CRYBG1: variants seen among roughly 807,000 people sequenced by gnomAD.
CRYBG1 encodes beta/gamma crystallin domain-containing protein 1.
In CRYBG1, 139 loss-of-function variants were observed where a neutral mutation model predicts 189.2. The observed-to-expected ratio is 0.73, with a 90% confidence interval of 0.64 to 0.85. CRYBG1 has a LOEUF of 0.85. Ranked by LOEUF, CRYBG1 falls within the 40% of genes least tolerant of loss-of-function variation. The pLI is 0.00. For missense variants in CRYBG1, 2,611 were observed against 2,675.8 expected, an observed-to-expected ratio of 0.98 and a Z score of 0.53; for synonymous variants, 1,023 against 1,017.1, an observed-to-expected ratio of 1.01 and a Z score of -0.11.
chr6:106,518,309 G>A (rs992991137), intron 3 of CRYBG1, among the ~76,000 whole-genome samples: 6 of 152,070 alleles, frequency 3.9e-5, no homozygotes, highest in Non-Finnish European at 8.8e-5. Flanking sequence ...AATCTTATGG[G>A]GGAAGGATGA....
intron 1 of CRYBG1, among the ~76,000 whole-genome samples, chr6:106,431,469 G>A (rs1282793908): frequency 2.0e-5 from 3 of 151,922 alleles, no homozygotes; most frequent in African/African-American, 7.3e-5. Flanking sequence ...TTTGGGACAA[G>A]CCTGCTCAAG....
intron 10 of CRYBG1, among the ~76,000 whole-genome samples, chr6:106,542,028 C>A (rs554289763): frequency 1.6e-4 from 25 of 152,198 alleles, no homozygotes; most frequent in Middle Eastern, 3.4e-3. Context: ...CACATCGATG[C>A]CACACACTAT....
At chr6:106,432,477 G>A (rs1361222780) in intron 1 of CRYBG1, among the ~76,000 whole-genome samples, 1 of 151,792 alleles carries the variant, frequency 6.6e-6, no homozygotes, top group Non-Finnish European at 1.5e-5. Flanking sequence ...ACAAGCTGTG[G>A]TAGGTACAAA....
intron 1 of CRYBG1, among the ~76,000 whole-genome samples, chr6:106,447,666 G>A (rs947939737): frequency 6.6e-6 from 1 of 151,710 alleles, no homozygotes; most frequent in Non-Finnish European, 1.5e-5. Flanking sequence ...GGTCTTTCCT[G>A]TTGCAAACAT....
chr6:106,555,922 T>C (rs1437158564), intron 17 of CRYBG1, 25 bp downstream of exon 17: 2 of 1,613,954 alleles, frequency 1.2e-6, no homozygotes, highest in African/African-American at 2.7e-5. Flanking sequence ...GTGAATAGTG[T>C]TGCAGAAATG....
At chr6:106,374,559 AAAAC>A (rs1256542097) in intron 1 of CRYBG1, among the ~76,000 whole-genome samples, 3 of 152,312 alleles carry the variant, frequency 2.0e-5, no homozygotes, top group South Asian at 4.1e-4. Context: ...CGTCTCGCTG[AAAAC>A]AAACAAATAT....
intron 2 of CRYBG1, among the ~76,000 whole-genome samples, chr6:106,472,909 TAAAA>T: frequency 7.3e-6 from 1 of 137,218 alleles, no homozygotes; most frequent in South Asian, 2.3e-4. Context: ...GTCTCAAAAT[TAAAA>T]AAAAAAAAAA....
chr6:106,544,867 T>C lies in CRYBG1; in HGVS notation c.5246T>C (p.Ile1749Thr). 2 of 1,613,842 alleles carry C rather than the reference T, an allele frequency of 1.2e-6. No individual in the cohort carries two copies. Among genetic ancestry groups the C allele is most frequent in the Non-Finnish European group, 1.7e-6 (2 of 1,179,814 alleles). The change falls in exon 13 of 22, where the codon ATT (isoleucine) becomes ACT (threonine). Residue 1749 changes from isoleucine to threonine, a missense_variant. Transcript: ENST00000633556. ...GGTTCCAGTATTGATGTATTGGGAA[T>C]TGTTGCTAATTTAAAGGAGACTGGA... is the stretch of plus-strand genomic sequence containing the variant. Reference protein sequence around the residue: ...SKGSSIDVLGIVANLKETGYG... With the variant: ...SKGSSIDVLGTVANLKETGYG...
chr6:106,512,579 C>T lies in CRYBG1; in HGVS notation c.1462C>T (p.Pro488Ser), dbSNP rs1235815448. The T allele has an allele frequency of 3.7e-6, 6 of 1,606,092 alleles. No homozygotes were observed. The highest frequency in any genetic ancestry group is 4.2e-6 in the Non-Finnish European group (5 of 1,177,032). The change falls in exon 3 of 22, where the codon CCC (proline) becomes TCC (serine). Residue 488 changes from proline (P) to serine (S), a missense_variant. This residue lies in a region of CRYBG1 where 985 missense variants were observed against 924.4 expected (regional missense o/e 1.07). Coordinates refer to ENST00000633556, the MANE Select transcript of CRYBG1 (RefSeq NM_001371242.2). ...VASAASPESK[P>S]SPGTKGQLRG... ...CTCCGCTGCGAGCCCAGAGTCCAAG[C>T]CCAGCCCCGGTACCAAAGGGCAGCT...
At chr6:106,511,244 A>G (rs1318600124) in intron 2 of CRYBG1, among the ~76,000 whole-genome samples, 186 bp from the exon 3 acceptor site, 1 of 152,240 alleles carries the variant, frequency 6.6e-6, no homozygotes, top group Non-Finnish European at 1.5e-5. Flanking sequence ...TAAGGTGTTT[A>G]AGCAAAATTC....
At chr6:106,449,041 G>C (rs1244017243) in intron 1 of CRYBG1, among the ~76,000 whole-genome samples, 2 of 152,132 alleles carry the variant, frequency 1.3e-5, no homozygotes, top group African/African-American at 4.8e-5. Context: ...AATATATTTT[G>C]TTTTTTATCA....
At chr6:106,485,833 GGAT>G (rs1377307751) in intron 2 of CRYBG1, among the ~76,000 whole-genome samples, 3 of 152,162 alleles carry the variant, frequency 2.0e-5, no homozygotes. Context: ...TGATCATAGT[GGAT>G]GATATTTTTA....
At chr6:106,393,124 T>C (rs1182772747) in intron 1 of CRYBG1, among the ~76,000 whole-genome samples, 1 of 152,216 alleles carries the variant, frequency 6.6e-6, no homozygotes, top group Non-Finnish European at 1.5e-5. Flanking sequence ...TAGAATTTTG[T>C]TTATCCATAA....
At chr6:106,501,153 A>G (rs1192670957) in intron 2 of CRYBG1, among the ~76,000 whole-genome samples, 1 of 152,250 alleles carries the variant, frequency 6.6e-6, no homozygotes, top group Non-Finnish European at 1.5e-5. Flanking sequence ...ACAGCAATAA[A>G]GAAATATACA....
chr6:106,432,923 T>C (rs1216824324), intron 1 of CRYBG1, among the ~76,000 whole-genome samples: 2 of 142,670 alleles, frequency 1.4e-5, no homozygotes, highest in African/African-American at 5.2e-5. Context: ...CACTGCAACC[T>C]CTGTCTCCTG....
intron 1 of CRYBG1, among the ~76,000 whole-genome samples, chr6:106,367,881 C>G (rs565463250): frequency 1.3e-4 from 20 of 151,498 alleles, no homozygotes; most frequent in Admixed American, 1.3e-3. Context: ...GTGGGAGGAT[C>G]ATTTGAGCCC....
Position 106,520,984 on chromosome 6 carries a change from C to T in CRYBG1, c.3776C>T (p.Ser1259Phe). 2 of 1,614,192 alleles carry T rather than the reference C, an allele frequency of 1.2e-6. No homozygotes were observed. Among genetic ancestry groups the T allele is most frequent in the Non-Finnish European group, 1.7e-6 (2 of 1,180,040 alleles). Residue 1259 changes from serine to phenylalanine, a missense_variant, in exon 4 of 22, where the codon TCT (serine) becomes TTT (phenylalanine). Coordinates refer to ENST00000633556, the MANE Select transcript of CRYBG1 (RefSeq NM_001371242.2). ...SLPQDKIFSP[S>F]VTSVNTMTTA... Reference sequence around the variant, plus strand: ...CCACAAGACAAAATCTTTTCTCCTTCTGTGACATCAGTCAACACTATGACC... The same window carrying T: ...CCACAAGACAAAATCTTTTCTCCTTTTGTGACATCAGTCAACACTATGACC...
chr6:106,440,121 C>T (rs1421874368), intron 1 of CRYBG1, among the ~76,000 whole-genome samples: 2 of 152,170 alleles, frequency 1.3e-5, no homozygotes, highest in African/African-American at 4.8e-5. Context: ...CAGGGCTGTG[C>T]ACCTGCTGTG....
At chr6:106,547,187 G>GACACAC (rs113926303) in intron 13 of CRYBG1, among the ~76,000 whole-genome samples, 75 of 50,666 alleles carry the variant, frequency 1.5e-3, no homozygotes, top group Non-Finnish European at 1.9e-3. Context: ...CACATACGTG[G>GACACAC]ACACACACAC....
Sources: gnomAD v4.1 joint callset for allele counts (sites outside exome capture counted in the v4.1 genomes callset) on GRCh38, gnomAD v4.1.1 for gene constraint, gnomAD v4.1.1 regional missense constraint, MANE v1.5 for transcripts, NCBI Gene and HGNC (gene_info 2026-07-23, HGNC 2026-07-21) for gene names.